The following DENND1B variants were observed in gnomAD, a reference collection of about 807,000 sequenced individuals.
The protein encoded by DENND1B is DENN domain containing 1B.
A neutral mutation model predicts 90.1 loss-of-function variants in DENND1B; 59 were observed. The ratio of observed to expected loss-of-function variants is 0.65; its 90% CI spans 0.53 to 0.81. The LOEUF (loss-of-function observed/expected upper bound fraction) is 0.81. Among genes scored for constraint, DENND1B ranks in the 40% least tolerant of loss-of-function variants. DENND1B has a pLI of 0.00. For synonymous variants in DENND1B, 337 were observed against 324.6 expected (o/e 1.04, Z -0.41); for missense variants, 862 against 912.6 (o/e 0.94, Z 0.71).
At chr1:197,670,586 A>G (rs1477277281) in intron 5 of DENND1B, among the ~76,000 whole-genome samples, 1 of 151,850 alleles carries the variant, frequency 6.6e-6, no homozygotes, top group East Asian at 1.9e-4. Flanking sequence ...AGTTTATTGT[A>G]CCATGAAAAT....
At chr1:197,627,335 C>G (rs1349522941) in intron 10 of DENND1B, among the ~76,000 whole-genome samples, 2 of 152,152 alleles carry the variant, frequency 1.3e-5, no homozygotes, top group Middle Eastern at 3.2e-3. Flanking sequence ...CCACCATGAT[C>G]AAGTGGGCTT....
intron 10 of DENND1B, among the ~76,000 whole-genome samples, chr1:197,639,209 G>A (rs953666834): frequency 2.0e-5 from 3 of 151,814 alleles, no homozygotes; most frequent in African/African-American, 7.3e-5. Context: ...GACTACAGGT[G>A]CGTGGTACCA....
chr1:197,682,867 T>C (rs2126002262), intron 3 of DENND1B, among the ~76,000 whole-genome samples: 1 of 152,338 alleles, frequency 6.6e-6, no homozygotes, highest in Non-Finnish European at 1.5e-5. Context: ...TATAAGGCCT[T>C]TAGGCCAATT....
At chr1:197,742,341 A>G (rs1663288987) in intron 2 of DENND1B, among the ~76,000 whole-genome samples, 1 of 152,180 alleles carries the variant, frequency 6.6e-6, no homozygotes, top group South Asian at 2.1e-4. Context: ...TTTGTGGAAC[A>G]AGACACATTT....
At chr1:197,549,474 C>T (rs2125677533) in intron 16 of DENND1B, among the ~76,000 whole-genome samples, 1 of 152,134 alleles carries the variant, frequency 6.6e-6, no homozygotes. Flanking sequence ...TAGAGAGTAA[C>T]CACATACTCC....
chr1:197,617,526 CTTTACTA>C (rs1677766147), intron 11 of DENND1B, 126 bp downstream of exon 11: 1 of 637,852 alleles, frequency 1.6e-6, no homozygotes, highest in African/African-American at 1.9e-5. Flanking sequence ...TAAAAGCCAT[CTTTACTA>C]TTTATTAAAA....
chr1:197,549,557 T>TG (rs773049091), intron 16 of DENND1B, among the ~76,000 whole-genome samples: 1 of 151,906 alleles, frequency 6.6e-6, no homozygotes, highest in Non-Finnish European at 1.5e-5. Context: ...TTATTTTAAA[T>TG]GAAAAAAAAG....
intron 2 of DENND1B, among the ~76,000 whole-genome samples, chr1:197,728,439 T>C (rs564461154): frequency 2.0e-5 from 3 of 152,292 alleles, no homozygotes; most frequent in African/African-American, 7.2e-5. Flanking sequence ...AAATTCAATT[T>C]TCCCAATGAC....
At chr1:197,658,815 G>T (rs980974222) in intron 5 of DENND1B, among the ~76,000 whole-genome samples, 2 of 150,878 alleles carry the variant, frequency 1.3e-5, no homozygotes, top group African/African-American at 4.8e-5. Flanking sequence ...TGATGTTTAA[G>T]AATGATGGCA....
At chr1:197,745,783 C>T (rs1281209108) in intron 2 of DENND1B, among the ~76,000 whole-genome samples, 1 of 151,680 alleles carries the variant, frequency 6.6e-6, no homozygotes, top group African/African-American at 2.4e-5. Flanking sequence ...GAGAAAGATA[C>T]TTAGGAAGAC....
intron 2 of DENND1B, among the ~76,000 whole-genome samples, chr1:197,744,047 C>G (rs1253396897): frequency 1.3e-5 from 2 of 152,200 alleles, no homozygotes; most frequent in Admixed American, 1.3e-4. Context: ...GGATTTACTT[C>G]TAATTCTAGC....
At chr1:197,635,544 C>T (rs979898227) in intron 10 of DENND1B, among the ~76,000 whole-genome samples, 3 of 151,850 alleles carry the variant, frequency 2.0e-5, no homozygotes, top group Non-Finnish European at 2.9e-5. Flanking sequence ...CACTACATTG[C>T]GCAGGCTATT....
chr1:197,535,239 A>T, intron 20 of DENND1B, among the ~76,000 whole-genome samples: 1 of 152,186 alleles, frequency 6.6e-6, no homozygotes. Flanking sequence ...ACAAATTTCC[A>T]GCCTCCAGGC....
chr1:197,604,166 T>A (rs1676453454), intron 13 of DENND1B, among the ~76,000 whole-genome samples: 1 of 136,566 alleles, frequency 7.3e-6, no homozygotes, highest in Non-Finnish European at 1.6e-5. Flanking sequence ...ATAATCAATA[T>A]CATTAAAATC....
intron 10 of DENND1B, among the ~76,000 whole-genome samples, chr1:197,619,272 AT>A (rs1344486498): frequency 6.6e-6 from 1 of 151,176 alleles, no homozygotes. Context: ...CCATGGATTT[AT>A]TTATGTTACA....
In DENND1B at chr1:197,511,744, A is replaced by G. The variant is rs1224063370; in HGVS notation, c.1799T>C (p.Ile600Thr). The change falls in exon 22 of 23, where the codon ATT becomes ACT. Residue 600 changes from isoleucine (I) to threonine (T), a missense_variant. Coordinates refer to ENST00000620048, the MANE Select transcript of DENND1B (RefSeq NM_001195215.2). ...SLDFFRSMDD[I>T]DYKPTNKSNA... The stretch of plus-strand genomic sequence containing the variant: ...TCTACTAACCGTAGGTTTGTAATCA[A>G]TGTCATCCATTGATCTAAAGAAATC... 3.1e-6 allele frequency: 5 copies of G among 1,605,856 alleles called. No individual in the cohort carries two copies. Among genetic ancestry groups the G allele is most frequent in the East Asian group, 4.5e-5 (2 of 44,766 alleles).
intron 15 of DENND1B, among the ~76,000 whole-genome samples, chr1:197,559,977 C>T (rs1463866986): frequency 2.0e-5 from 3 of 151,728 alleles, no homozygotes; most frequent in Non-Finnish European, 4.4e-5. Flanking sequence ...ATTTTTATGC[C>T]ATTAGGTAAT....
intron 10 of DENND1B, among the ~76,000 whole-genome samples, chr1:197,623,672 A>G (rs995270663): frequency 6.6e-6 from 1 of 151,470 alleles, no homozygotes. Flanking sequence ...TCACACACCC[A>G]TGGCTTCCTC....
chr1:197,538,270 T>C (rs1402348635), intron 20 of DENND1B, among the ~76,000 whole-genome samples: 1 of 152,050 alleles, frequency 6.6e-6, no homozygotes, highest in Non-Finnish European at 1.5e-5. Flanking sequence ...ATGTTAAAGC[T>C]TGAAAACAGA....
Sources: allele counts gnomAD v4.1 joint callset (sites outside exome capture counted in the v4.1 genomes callset), GRCh38; gene constraint gnomAD v4.1.1; transcripts MANE v1.5; gene names NCBI Gene and HGNC (gene_info 2026-07-23, HGNC 2026-07-21).